CNTN4: variants seen among roughly 807,000 people sequenced by gnomAD.
The protein encoded by CNTN4 is contactin-4.
Under a neutral mutation model 122.5 loss-of-function variants are expected in CNTN4, and 77 were observed. The ratio of observed to expected loss-of-function variants is 0.63; its 90% CI spans 0.52 to 0.76. The LOEUF (loss-of-function observed/expected upper bound fraction) is 0.76. Ranked by LOEUF, CNTN4 falls within the 30% of genes least tolerant of loss-of-function variation. CNTN4 has a pLI of 0.00. For synonymous variants in CNTN4, 512 were observed against 447.0 expected (o/e 1.15, Z -1.83); for missense variants, 1,256 against 1,259.1 (o/e 1.00, Z 0.04).
chr3:2,979,199 G>A (rs370508586), intron 13 of CNTN4, among the ~76,000 whole-genome samples: 21 of 152,172 alleles, frequency 1.4e-4, no homozygotes, highest in Non-Finnish European at 2.6e-4. Context: ...GTAGGAGGGA[G>A]TTTTATAAAA....
At chr3:2,940,832 T>C (rs1166974813) in intron 13 of CNTN4, among the ~76,000 whole-genome samples, 3 of 151,954 alleles carry the variant, frequency 2.0e-5, no homozygotes, top group Non-Finnish European at 4.4e-5. Flanking sequence ...GTCATGGGGG[T>C]GATTGTGCAC....
chr3:2,491,033 T>A (rs1366628704), intron 3 of CNTN4, among the ~76,000 whole-genome samples: 2 of 152,162 alleles, frequency 1.3e-5, no homozygotes, highest in Non-Finnish European at 2.9e-5. Flanking sequence ...AATCAGTCTT[T>A]CCAGGAGGGT....
intron 6 of CNTN4, among the ~76,000 whole-genome samples, chr3:2,747,191 C>T (rs181446880): frequency 0.019 from 2,872 of 151,988 alleles, 86 homozygotes; most frequent in African/African-American, 0.065. Flanking sequence ...GGGCGGATCA[C>T]GAGGTCAGGA....
intron 10 of CNTN4, among the ~76,000 whole-genome samples, chr3:2,896,952 T>TTTTTCC (rs2094121809): frequency 2.1e-5 from 3 of 145,672 alleles, no homozygotes; most frequent in African/African-American, 7.8e-5. Flanking sequence ...TTTTTTTTGC[T>TTTTTCC]ATCACATCCT....
intron 13 of CNTN4, among the ~76,000 whole-genome samples, chr3:2,972,278 A>G (rs1391937): frequency 0.1 from 15,135 of 152,096 alleles, 814 homozygotes; most frequent in Non-Finnish European, 0.12. Context: ...AAATTATTGT[A>G]CTCCTTAATG....
In CNTN4 at chr3:2,571,421, AG is replaced by A. The variant is rs2079415597; in HGVS notation, c.-81del. 1.7e-5 allele frequency: 16 copies of A among 929,608 alleles called. No homozygotes were observed. The South Asian group carries it at 2.1e-4, about 12-fold the overall frequency. The allele number at this position is 929,608 out of a possible 1,614,324, so 57.6% of individuals were successfully genotyped here. ...ATGTCTCTTCTTTCCCACAGATTAA[AG>A]GTTATACAAAACTTAAAAGAAGCAG... is the stretch of plus-strand genomic sequence containing the variant. On this transcript the variant is annotated 5_prime_UTR_variant, in exon 4 of 25. Transcript: ENST00000418658.
Position 2,481,448 on chromosome 3 carries a change from T to C in CNTN4, c.-88-89968T>C, listed in dbSNP as rs140144157. Reference sequence around the variant, plus strand: ...GAGCCACTGTGCCCAGCCAAGATAGTCTTTTCAATAAATGGTCCTGGAACA... The same window carrying C: ...GAGCCACTGTGCCCAGCCAAGATAGCCTTTTCAATAAATGGTCCTGGAACA... On this transcript the variant is annotated intron_variant, in intron 3 of 24. Coordinates refer to ENST00000418658, the MANE Select transcript of CNTN4 (RefSeq NM_175607.3). Among the ~76,000 whole-genome samples the C allele has an allele frequency of 4.3e-3, 647 of 152,146 alleles. 9 individuals carry two copies. Among genetic ancestry groups the C allele is most frequent in the Middle Eastern group, 0.02 (6 of 294 alleles).
chr3:2,356,716 C>G (rs1045217431), intron 3 of CNTN4, among the ~76,000 whole-genome samples: 1 of 152,146 alleles, frequency 6.6e-6, no homozygotes, highest in African/African-American at 2.4e-5. Context: ...TACCCAGCCC[C>G]TATTCAAGAT....
intron 3 of CNTN4, among the ~76,000 whole-genome samples, chr3:2,556,885 A>T (rs537454388): frequency 6.6e-6 from 1 of 152,258 alleles, no homozygotes; most frequent in South Asian, 2.1e-4. Context: ...AAGAAATGGA[A>T]CAAAGTTTTT....
intron 2 of CNTN4, among the ~76,000 whole-genome samples, chr3:2,319,205 T>G (rs942378231): frequency 1.3e-5 from 2 of 152,064 alleles, no homozygotes; most frequent in African/African-American, 4.8e-5. Flanking sequence ...CTCAAATATT[T>G]TATATATATT....
rs1398851512 is a variant in CNTN4 at position 2,284,012 on chromosome 3, A to T, written c.-144-55166A>T. 2.0e-5 allele frequency among the ~76,000 whole-genome samples: 3 copies of T among 152,070 alleles called. No individual in the cohort carries two copies. The South Asian group carries it at 6.2e-4, about 31-fold the overall frequency. On this transcript the variant is annotated intron_variant, in intron 2 of 24. Transcript: ENST00000418658. Reference sequence around the variant, plus strand: ...CTAGTTCATCTCTTGCTATTTGCCAATGCAAATGTGGGCTAAAACCAGCTG... The same window carrying T: ...CTAGTTCATCTCTTGCTATTTGCCATTGCAAATGTGGGCTAAAACCAGCTG...
chr3:2,340,708 T>TAGAGAGAGAG (rs1414538595), intron 3 of CNTN4, among the ~76,000 whole-genome samples: 66 of 25,362 alleles, frequency 2.6e-3, no homozygotes, highest in African/African-American at 4.7e-3. Context: ...TATATATATA[T>TAGAGAGAGAG]ATAGAGAGAG....
chr3:2,444,080 A>T (rs968139130), intron 3 of CNTN4, among the ~76,000 whole-genome samples: 1 of 152,042 alleles, frequency 6.6e-6, no homozygotes, highest in Admixed American at 6.6e-5. Context: ...GTAATTTTGT[A>T]TATATTTACA....
At position 2,254,305 on chromosome 3, in the gene CNTN4, G is replaced by A. The variant is rs529596204; in HGVS notation, c.-144-84873G>A. 4.6e-5 allele frequency among the ~76,000 whole-genome samples: 7 copies of A among 152,264 alleles called. No individual in the cohort carries two copies. The South Asian group carries it at 1.5e-3, about 32-fold the overall frequency. The stretch of plus-strand genomic sequence containing the variant: ...CAGTCTGTCATTGATGGGCATACGG[G>A]TTGGTTCCAAGTCTTTGTTATTGTG... On this transcript the variant is annotated intron_variant, in intron 2 of 24. Transcript: ENST00000418658.
chr3:2,305,393 TG>T (rs750681658), intron 2 of CNTN4, among the ~76,000 whole-genome samples: 3 of 152,216 alleles, frequency 2.0e-5, no homozygotes, highest in African/African-American at 4.8e-5. Context: ...TTTTATTTAT[TG>T]TTTTTTTGGT....
intron 2 of CNTN4, among the ~76,000 whole-genome samples, chr3:2,155,612 C>A (rs2035684961): frequency 6.6e-6 from 1 of 152,146 alleles, no homozygotes; most frequent in South Asian, 2.1e-4. Flanking sequence ...GGCACTGAAT[C>A]CTAAAACAGT....
intron 2 of CNTN4, among the ~76,000 whole-genome samples, chr3:2,103,366 T>C (rs2032152839): frequency 6.6e-6 from 1 of 152,212 alleles, no homozygotes; most frequent in Non-Finnish European, 1.5e-5. Context: ...CTTGAATACC[T>C]ACCAGGATCA....
chr3:2,813,749 AT>A, intron 6 of CNTN4, among the ~76,000 whole-genome samples: 1 of 152,280 alleles, frequency 6.6e-6, no homozygotes, highest in East Asian at 1.9e-4. Flanking sequence ...CTAGACTATA[AT>A]CAGGTATTTA....
intron 4 of CNTN4, among the ~76,000 whole-genome samples, chr3:2,733,027 T>C (rs1437624667): frequency 6.6e-6 from 1 of 152,178 alleles, no homozygotes; most frequent in South Asian, 2.1e-4. Context: ...TGTTACAAAA[T>C]ACACAGAAAA....
Sources: allele counts gnomAD v4.1 joint callset (sites outside exome capture counted in the v4.1 genomes callset), GRCh38; gene constraint gnomAD v4.1.1; transcripts MANE v1.5; gene names NCBI Gene and HGNC (gene_info 2026-07-23, HGNC 2026-07-21).